The following GTF2H4 variants were observed in gnomAD, a reference collection of about 807,000 sequenced individuals.
GTF2H4 encodes BTF2 p52.
Under a neutral mutation model 62.2 loss-of-function variants are expected in GTF2H4, and 49 were observed. That is an observed-to-expected ratio of 0.79 (90% confidence interval 0.63 to 1.00). The LOEUF is 1.00. Among genes scored for constraint, GTF2H4 ranks in the 50% least tolerant of loss-of-function variants. GTF2H4 has a pLI of 0.00. For missense variants in GTF2H4, 479 were observed against 587.8 expected (o/e 0.81, Z 1.91); for synonymous variants, 189 against 233.8 (o/e 0.81, Z 1.75).
Position 30,909,453 on chromosome 6 carries a change from T to TA in GTF2H4, c.158dup (p.Asn54GlufsTer78). Reference sequence around the variant, plus strand: ...TGTACAGGGAGCTCCCATCCTTGGCTAAGAACTGGGTGATGCGGATGCTCT... The same window carrying TA: ...TGTACAGGGAGCTCCCATCCTTGGCTAAAGAACTGGGTGATGCGGATGCTCT... On this transcript the variant is annotated frameshift_variant, in exon 3 of 14. Transcript: ENST00000259895. LOFTEE classifies it high-confidence loss of function. This position sits in a 1 kb window ranked among gnomAD's most constrained non-coding sequence, Gnocchi z 4.3. 6.2e-7 allele frequency: 1 copy of TA among 1,612,446 alleles called. No homozygotes were observed. The highest frequency in any genetic ancestry group is 1.7e-5 in the Admixed American group (1 of 60,024).
rs1321143413 is a variant in GTF2H4, at chr6:30,913,911, G to T, written c.1317G>T (p.Arg439=). 1 of 1,609,682 alleles carries T rather than the reference G, an allele frequency of 6.2e-7. No homozygotes were observed. Among genetic ancestry groups the T allele is most frequent in the Non-Finnish European group, 8.5e-7 (1 of 1,178,532 alleles). Residue 439 remains arginine (R), a synonymous_variant, in exon 14 of 14, where the codon CGG becomes CGT. Coordinates refer to ENST00000259895, the MANE Select transcript of GTF2H4 (RefSeq NM_001517.5). The surrounding 1 kb of genome is among the most constrained non-coding windows in gnomAD (Gnocchi z 4.2). The stretch of plus-strand genomic sequence containing the variant: ...TCGTGTTCGAGAACTCGGCCAAGCG[G>T]CTCATGGTGGTGACCCCGGCCGGGC... ...GVLVFENSAK[R]LMVVTPAGHS... is the part of the protein sequence containing the mutation.
rs1308267897 is a variant in GTF2H4, at chr6:30,909,298, T to C, written c.137+125T>C. On this transcript the variant is annotated intron_variant, in intron 2 of 13. Coordinates refer to ENST00000259895, the MANE Select transcript of GTF2H4 (RefSeq NM_001517.5). The surrounding 1 kb of genome is among the most constrained non-coding windows in gnomAD (Gnocchi z 4.3). The stretch of plus-strand genomic sequence containing the variant: ...TGGGGGCAAGGGTTGGAAATTGCTC[T>C]AAAGTGTGGAGGCCAAAACAGCAGG... 3.0e-6 allele frequency: 4 copies of C among 1,330,712 alleles called. No individual in the cohort carries two copies. The Admixed American group carries it at 8.9e-5, about 30-fold the overall frequency. 82.4% of individuals were successfully genotyped at this position (1,330,712 alleles called of 1,614,324 possible). A position where few individuals can be genotyped will look rare whatever the true frequency, so the allele number is the denominator to read the frequency against.
At position 30,913,779 on chromosome 6, in the gene GTF2H4, T is replaced by A. The variant is rs774490876; in HGVS notation, c.1217-32T>A. 3.4e-5 allele frequency: 51 copies of A among 1,507,456 alleles called. 2 individuals are homozygous for A. The South Asian group carries it at 6.7e-4, about 20-fold the overall frequency. The allele number at this position is 1,507,456 out of a possible 1,614,324, so 93.4% of individuals were successfully genotyped here. A position where few individuals can be genotyped will look rare whatever the true frequency, so the allele number is the denominator to read the frequency against. ...CTCCGAGCTTCACTTTCTCGTCTTC[T>A]CCCCGCGCCCCTCCCGTCCTGCCGA... On this transcript the variant is annotated intron_variant, in intron 13 of 13. Transcript: ENST00000259895. The surrounding 1 kb of genome is among the most constrained non-coding windows in gnomAD (Gnocchi z 4.2).
In GTF2H4 at chr6:30,913,501, T is replaced by A; in HGVS notation, c.1216+114T>A. The A allele has an allele frequency of 1.6e-6, 2 of 1,227,832 alleles. No individual in the cohort carries two copies. The highest frequency in any genetic ancestry group is 2.3e-6 in the Non-Finnish European group (2 of 880,538). The allele number at this position is 1,227,832 out of a possible 1,614,324, so 76.1% of individuals were successfully genotyped here. ...TAGGAGAGAAAAGCTGGCAAGACAG[T>A]TTTTTGTTGTTTTGGGGTGAGTCGG... On this transcript the variant is annotated intron_variant, in intron 13 of 13. Transcript: ENST00000259895. The surrounding 1 kb of genome is among the most constrained non-coding windows in gnomAD (Gnocchi z 4.2).
rs1190509063 is a variant in GTF2H4 at position 30,911,605 on chromosome 6, A to G, written c.742-79A>G. On this transcript the variant is annotated intron_variant, in intron 8 of 13. Transcript: ENST00000259895. This position sits in a 1 kb window ranked among gnomAD's most constrained non-coding sequence, Gnocchi z 4.3. ...ATGAAAACAGAACGAACAGAGATGG[A>G]GAAAGAAAGAATGAATGTATGGGGT... 1 of 1,268,940 alleles carries G rather than the reference A, an allele frequency of 7.9e-7. No individual in the cohort carries two copies. Among genetic ancestry groups the G allele is most frequent in the Non-Finnish European group, 1.2e-6 (1 of 867,258 alleles). The allele number at this position is 1,268,940 out of a possible 1,614,324, so 78.6% of individuals were successfully genotyped here. A position where few individuals can be genotyped will look rare whatever the true frequency, so the allele number is the denominator to read the frequency against.
At position 30,913,773 on chromosome 6, in the gene GTF2H4, G is replaced by A. The variant is rs1454148575; in HGVS notation, c.1217-38G>A. 2.0e-6 allele frequency: 3 copies of A among 1,499,748 alleles called. No individual in the cohort carries two copies. Among genetic ancestry groups the A allele is most frequent in the Non-Finnish European group, 1.8e-6 (2 of 1,121,170 alleles). The allele number at this position is 1,499,748 out of a possible 1,614,324, so 92.9% of individuals were successfully genotyped here. A position where few individuals can be genotyped will look rare whatever the true frequency, so the allele number is the denominator to read the frequency against. ...TAGGAGCTCCGAGCTTCACTTTCTC[G>A]TCTTCTCCCCGCGCCCCTCCCGTCC... On this transcript the variant is annotated intron_variant, in intron 13 of 13. Transcript: ENST00000259895. This position sits in a 1 kb window ranked among gnomAD's most constrained non-coding sequence, Gnocchi z 4.2.
In GTF2H4 at chr6:30,909,368, A is replaced by G. The variant is rs1793673483; in HGVS notation, c.138-67A>G. ...AGTGAGATGAGATGTTTGAGAGGTA[A>G]TTGAGGGCAGAGATGCAGATACAAT... On this transcript the variant is annotated intron_variant, in intron 2 of 13. Coordinates refer to ENST00000259895, the MANE Select transcript of GTF2H4 (RefSeq NM_001517.5). This position sits in a 1 kb window ranked among gnomAD's most constrained non-coding sequence, Gnocchi z 4.3. The G allele has an allele frequency of 7.9e-7, 1 of 1,267,238 alleles. No individual in the cohort carries two copies. Among genetic ancestry groups the G allele is most frequent in the African/African-American group, 1.5e-5 (1 of 68,126 alleles). The allele number at this position is 1,267,238 out of a possible 1,614,324, so 78.5% of individuals were successfully genotyped here. A position where few individuals can be genotyped will look rare whatever the true frequency, so the allele number is the denominator to read the frequency against.
chr6:30,910,669 A>T lies in GTF2H4; in HGVS notation c.379A>T (p.Lys127Ter), dbSNP rs1793724785. ...NLRIALLGGG[K>*]AWSDDTSQLG... ...CTTGGCCCATCCTGGCCGTAGGGGG[A>T]AGGCCTGGTCTGATGACACAAGTCA... The change falls in exon 5 of 14, where the codon AAG (lysine) becomes TAG (stop). Residue 127 changes from lysine (K) to a stop codon, truncating the protein, a stop_gained. Coordinates refer to ENST00000259895, the MANE Select transcript of GTF2H4 (RefSeq NM_001517.5). LOFTEE classifies it high-confidence loss of function. This position sits in a 1 kb window ranked among gnomAD's most constrained non-coding sequence, Gnocchi z 4.7. 1 of 1,611,388 alleles carries T rather than the reference A, an allele frequency of 6.2e-7. No homozygotes were observed. The highest frequency in any genetic ancestry group is 1.3e-5 in the African/African-American group (1 of 74,862).
Position 30,911,592 on chromosome 6 carries a change from C to A in GTF2H4, c.742-92C>A, listed in dbSNP as rs190118452. 3.6e-6 allele frequency: 5 copies of A among 1,377,498 alleles called. No homozygotes were observed. The highest frequency in any genetic ancestry group is 5.2e-6 in the Non-Finnish European group (5 of 970,338). 85.3% of individuals were successfully genotyped at this position (1,377,498 alleles called of 1,614,324 possible). On this transcript the variant is annotated intron_variant, in intron 8 of 13. Coordinates refer to ENST00000259895, the MANE Select transcript of GTF2H4 (RefSeq NM_001517.5). The surrounding 1 kb of genome is among the most constrained non-coding windows in gnomAD (Gnocchi z 4.3). Reference sequence around the variant, plus strand: ...TGAGAAGATAAGAATGAAAACAGAACGAACAGAGATGGAGAAAGAAAGAAT... The same window carrying A: ...TGAGAAGATAAGAATGAAAACAGAAAGAACAGAGATGGAGAAAGAAAGAAT...
chr6:30,911,302 C>G lies in GTF2H4; in HGVS notation c.672+33C>G, dbSNP rs1793752573. 5.8e-6 allele frequency: 9 copies of G among 1,557,066 alleles called. No homozygotes were observed. The highest frequency in any genetic ancestry group is 4.1e-5 in the African/African-American group (3 of 73,954). On this transcript the variant is annotated intron_variant, in intron 7 of 13. Coordinates refer to ENST00000259895, the MANE Select transcript of GTF2H4 (RefSeq NM_001517.5). This position sits in a 1 kb window ranked among gnomAD's most constrained non-coding sequence, Gnocchi z 4.3. ...GGCAGGGCCACTTAACCAGCATGCT[C>G]TGCTCCTCTCAGGTCTCACTGAGAG...
rs1793661811 is a variant in GTF2H4, at chr6:30,909,133, C to T, written c.97C>T (p.Arg33Ter). 1.1e-5 allele frequency: 18 copies of T among 1,614,006 alleles called. No homozygotes were observed. The highest frequency in any genetic ancestry group is 2.2e-5 in the East Asian group (1 of 44,886). The change falls in exon 2 of 14, where the codon CGA (arginine) becomes TGA (stop). Residue 33 changes from arginine (R) to a stop codon, truncating the protein, a stop_gained. Coordinates refer to ENST00000259895, the MANE Select transcript of GTF2H4 (RefSeq NM_001517.5). LOFTEE classifies it high-confidence loss of function. The surrounding 1 kb of genome is among the most constrained non-coding windows in gnomAD (Gnocchi z 4.3). ...LGGLSPGVLD[R>*]LYGHPATCLA... ...GGGCCTGAGCCCTGGGGTATTGGAC[C>T]GATTGTATGGGCACCCTGCCACATG... is the stretch of plus-strand genomic sequence containing the variant.
Position 30,909,218 on chromosome 6 carries a change from A to G in GTF2H4, c.137+45A>G. On this transcript the variant is annotated intron_variant, in intron 2 of 13. Transcript: ENST00000259895. This position sits in a 1 kb window ranked among gnomAD's most constrained non-coding sequence, Gnocchi z 4.3. ...CAGGGAAATGTAATGGGGTCTGCGG[A>G]GTGGAATAAAATATCATAGGTAAAA... is the stretch of plus-strand genomic sequence containing the variant. The G allele has an allele frequency of 6.3e-7, 1 of 1,579,766 alleles. No homozygotes were observed. The highest frequency in any genetic ancestry group is 8.6e-7 in the Non-Finnish European group (1 of 1,160,888).
Position 30,912,655 on chromosome 6 carries a change from G to T in GTF2H4, c.1089+197G>T, listed in dbSNP as rs998322302. On this transcript the variant is annotated intron_variant, in intron 11 of 13. Transcript: ENST00000259895. The surrounding 1 kb of genome is among the most constrained non-coding windows in gnomAD (Gnocchi z 4.8). ...GGGGAAAAAAACATGGAGGGAGGAGGTATAGATCTGGATTTGTGCCTCGGC... is the reference window on the plus strand; with the variant it reads ...GGGGAAAAAAACATGGAGGGAGGAGTTATAGATCTGGATTTGTGCCTCGGC... 3.3e-5 allele frequency among the ~76,000 whole-genome samples: 5 copies of T among 151,418 alleles called. No homozygotes were observed. The highest frequency in any genetic ancestry group is 7.4e-5 in the Non-Finnish European group (5 of 67,808).
Position 30,911,132 on chromosome 6 carries a change from A to G in GTF2H4, c.561-26A>G, listed in dbSNP as rs763321470. 2 of 1,552,850 alleles carry G rather than the reference A, an allele frequency of 1.3e-6. No homozygotes were observed. Among genetic ancestry groups the G allele is most frequent in the Non-Finnish European group, 1.8e-6 (2 of 1,125,030 alleles). ...TAGTAGTCTTTCTCTGCATATCACC[A>G]TCATTGTCCTGGTCTTTGTCTCTAG... is the stretch of plus-strand genomic sequence containing the variant. On this transcript the variant is annotated intron_variant, in intron 6 of 13. Coordinates refer to ENST00000259895, the MANE Select transcript of GTF2H4 (RefSeq NM_001517.5). The surrounding 1 kb of genome is among the most constrained non-coding windows in gnomAD (Gnocchi z 4.3).
chr6:30,913,871 G>A lies in GTF2H4; in HGVS notation c.1277G>A (p.Arg426Gln). 2 of 1,607,584 alleles carry A rather than the reference G, an allele frequency of 1.2e-6. No homozygotes were observed. Among genetic ancestry groups the A allele is most frequent in the African/African-American group, 2.7e-5 (2 of 74,674 alleles). Reference sequence around the variant, plus strand: ...TTTGAGCTGCTGCTGGCCCACGCGCGGGAGCTGGGCGTGCTCGTGTTCGAG... The same window carrying A: ...TTTGAGCTGCTGCTGGCCCACGCGCAGGAGCTGGGCGTGCTCGTGTTCGAG... ...VDFELLLAHA[R>Q]ELGVLVFENS... Residue 426 changes from arginine to glutamine, a missense_variant, in exon 14 of 14, where the codon CGG becomes CAG. Transcript: ENST00000259895. The surrounding 1 kb of genome is among the most constrained non-coding windows in gnomAD (Gnocchi z 4.2).
chr6:30,913,664 T>C lies in GTF2H4; in HGVS notation c.1217-147T>C, dbSNP rs941617345. On this transcript the variant is annotated intron_variant, in intron 13 of 13. Coordinates refer to ENST00000259895, the MANE Select transcript of GTF2H4 (RefSeq NM_001517.5). This position sits in a 1 kb window ranked among gnomAD's most constrained non-coding sequence, Gnocchi z 4.2. ...AGATGAACCCCTGAGCAGACAAGCA[T>C]AGAGAATTAGTTTGTAAAATTGCGG... is the stretch of plus-strand genomic sequence containing the variant. The C allele has an allele frequency of 1.3e-6, 1 of 755,108 alleles. No homozygotes were observed. Among genetic ancestry groups the C allele is most frequent in the Non-Finnish European group, 2.1e-6 (1 of 475,018 alleles). 46.8% of individuals were successfully genotyped at this position (755,108 alleles called of 1,614,324 possible). A position where few individuals can be genotyped will look rare whatever the true frequency, so the allele number is the denominator to read the frequency against.
In GTF2H4 at chr6:30,910,837, C is replaced by T. The variant is rs576294868; in HGVS notation, c.472-16C>T. On this transcript the variant is annotated splice_polypyrimidine_tract_variant and intron_variant, in intron 5 of 13. Transcript: ENST00000259895. The surrounding 1 kb of genome is among the most constrained non-coding windows in gnomAD (Gnocchi z 4.7). Reference sequence around the variant, plus strand: ...GCCCTTGGGGCATGGTCTCCCTGTTCTCTTCTGTTCTTCAGGTGGTCTTGC... The same window carrying T: ...GCCCTTGGGGCATGGTCTCCCTGTTTTCTTCTGTTCTTCAGGTGGTCTTGC... 50 of 1,610,738 alleles carry T rather than the reference C, an allele frequency of 3.1e-5. No individual in the cohort carries two copies. The highest frequency in any genetic ancestry group is 4.0e-5 in the Non-Finnish European group (47 of 1,178,246).
rs1385847881 is a variant in GTF2H4 at position 30,913,247 on chromosome 6, A to G, written c.1138-62A>G. 1 of 1,612,156 alleles carries G rather than the reference A, an allele frequency of 6.2e-7. No homozygotes were observed. Among genetic ancestry groups the G allele is most frequent in the Non-Finnish European group, 8.5e-7 (1 of 1,178,554 alleles). ...GGGCATCCAAATCTGGGGAAGAAAC[A>G]GAGGGCCGGGTTGTCTGGGGCAGTA... On this transcript the variant is annotated intron_variant, in intron 12 of 13. Coordinates refer to ENST00000259895, the MANE Select transcript of GTF2H4 (RefSeq NM_001517.5). This position sits in a 1 kb window ranked among gnomAD's most constrained non-coding sequence, Gnocchi z 4.2.
In GTF2H4 at chr6:30,911,229, A is replaced by T; in HGVS notation, c.632A>T (p.Gln211Leu). The change falls in exon 7 of 14, where the codon CAG becomes CTG. Residue 211 changes from glutamine to leucine, a missense_variant. Gln to Leu is a moderately radical substitution (Grantham distance 113, BLOSUM62 -2). Transcript: ENST00000259895. This position sits in a 1 kb window ranked among gnomAD's most constrained non-coding sequence, Gnocchi z 4.3. ...FQFLLLDTPA[Q>L]LWYFMLQYLQ... ...TTCCTGTTGCTGGACACCCCGGCTC[A>T]GCTCTGGTACTTTATGTTGCAGTAT... 6.2e-7 allele frequency: 1 copy of T among 1,613,666 alleles called. No homozygotes were observed. The highest frequency in any genetic ancestry group is 8.5e-7 in the Non-Finnish European group (1 of 1,179,996).
Sources: gnomAD v4.1 joint callset for allele counts (sites outside exome capture counted in the v4.1 genomes callset) on GRCh38, gnomAD v4.1.1 for gene constraint, Gnocchi (gnomAD v3.1) non-coding constraint, MANE v1.5 for transcripts, NCBI Gene and HGNC (gene_info 2026-07-23, HGNC 2026-07-21) for gene names.